MTR: variants seen among roughly 807,000 people sequenced by gnomAD.
MTR encodes the protein 5-methyltetrahydrofolate-homocysteine methyltransferase.
In MTR, 84 loss-of-function variants were observed where a neutral mutation model predicts 154.8. That is an observed-to-expected ratio of 0.54 (90% CI 0.45 to 0.65). The LOEUF is 0.65. MTR is among the 30% of genes least tolerant of loss of function. The probability of loss-of-function intolerance (pLI) is 0.00; values close to 1 mark genes in which losing one functional copy is unlikely to be tolerated. For missense variants in MTR, 1,275 were observed against 1,570.2 expected (o/e 0.81, Z 3.18); for synonymous variants, 554 against 553.9 (o/e 1.00, Z 0.00).
chr1:236,816,846 T>C (rs1352752687), intron 8 of MTR, among the ~76,000 whole-genome samples: 1 of 152,156 alleles, frequency 6.6e-6, no homozygotes, highest in Non-Finnish European at 1.5e-5. Context: ...ACTCCCTATT[T>C]ATGAGGCAAC....
intron 4 of MTR, 112 bp downstream of exon 4, chr1:236,808,885 C>A: frequency 1.1e-6 from 1 of 902,140 alleles, no homozygotes; most frequent in Non-Finnish European, 1.8e-6. Context: ...TTACGAGTAA[C>A]ACTGCAGAGA....
chr1:236,803,796 ATGTAC>A (rs1340713227), intron 2 of MTR, among the ~76,000 whole-genome samples, 154 bp downstream of exon 2: 2 of 152,224 alleles, frequency 1.3e-5, no homozygotes, highest in African/African-American at 4.8e-5. Context: ...AATAAAAGTT[ATGTAC>A]TGTGTTAAGC....
intron 12 of MTR, among the ~76,000 whole-genome samples, chr1:236,830,214 A>C (rs1372365407): frequency 6.6e-6 from 1 of 152,068 alleles, no homozygotes; most frequent in Non-Finnish European, 1.5e-5. Context: ...CAGAAGGTAG[A>C]GGATGAGATT....
At chr1:236,800,468 G>T (rs1346783078) in intron 1 of MTR, 2 of 985,366 alleles carry the variant, frequency 2.0e-6, no homozygotes, top group East Asian at 1.1e-4. Flanking sequence ...CGATTCAGCT[G>T]GGCATGTAGG....
chr1:236,841,025 A>G (rs1363619903), intron 15 of MTR, among the ~76,000 whole-genome samples: 1 of 152,244 alleles, frequency 6.6e-6, no homozygotes, highest in Non-Finnish European at 1.5e-5. Context: ...GCAAATAGTT[A>G]GACAAATAGT....
intron 14 of MTR, among the ~76,000 whole-genome samples, chr1:236,837,024 A>G (rs1343192763): frequency 6.6e-6 from 1 of 152,188 alleles, no homozygotes; most frequent in Non-Finnish European, 1.5e-5. Context: ...TGATTGCTAC[A>G]GTAATTTCTT....
chr1:236,900,197 G>A lies in MTR; in HGVS notation c.*2553G>A. On this transcript the variant is annotated 3_prime_UTR_variant, in exon 33 of 33. Transcript: ENST00000366577. ...CTACAGGAAAATAGGTGAATAATTA[G>A]ATATATATATTCATTCTACGGGATA... 1 of 406,822 alleles carries A rather than the reference G, an allele frequency of 2.5e-6. No individual in the cohort carries two copies. Among genetic ancestry groups the A allele is most frequent in the Non-Finnish European group, 4.9e-6 (1 of 202,478 alleles). 25.2% of individuals were successfully genotyped at this position (406,822 alleles called of 1,614,324 possible).
In MTR at chr1:236,859,832, G is replaced by A. The variant is rs2103290615; in HGVS notation, c.1954-1G>A. ...ATTTCTTGGTTTCAATTTCAATTCA[G>A]ACTCAAGGCACAGGAGGGAAGAAAG... On this transcript the variant is annotated splice_acceptor_variant, in intron 18 of 32. Transcript: ENST00000366577. LOFTEE classifies it high-confidence loss of function. The A allele has an allele frequency of 6.2e-7, 1 of 1,613,308 alleles. No individual in the cohort carries two copies. The highest frequency in any genetic ancestry group is 2.2e-5 in the East Asian group (1 of 44,854).
intron 2 of MTR, among the ~76,000 whole-genome samples, chr1:236,805,512 A>C (rs1660929899): frequency 6.8e-6 from 1 of 147,316 alleles, no homozygotes; most frequent in Admixed American, 6.7e-5. Context: ...ACAAGGTCTC[A>C]CTCTGTCACT....
intron 7 of MTR, among the ~76,000 whole-genome samples, 163 bp from the exon 8 acceptor site, chr1:236,816,286 C>G (rs1661587822): frequency 6.6e-6 from 1 of 152,164 alleles, no homozygotes; most frequent in Non-Finnish European, 1.5e-5. Context: ...TGGCACATGT[C>G]TGTTCTGACT....
chr1:236,817,305 C>A (rs1296365538), intron 8 of MTR, among the ~76,000 whole-genome samples: 1 of 152,006 alleles, frequency 6.6e-6, no homozygotes, highest in Non-Finnish European at 1.5e-5. Context: ...CCCCCTTTCC[C>A]CCCTTTCCCT....
chr1:236,796,734 T>C (rs1660411230), intron 1 of MTR, among the ~76,000 whole-genome samples: 1 of 151,590 alleles, frequency 6.6e-6, no homozygotes, highest in South Asian at 2.1e-4. Context: ...GGTTTATATG[T>C]TATTTAATAT....
intron 25 of MTR, among the ~76,000 whole-genome samples, chr1:236,883,400 G>A (rs1055463318): frequency 2.0e-5 from 3 of 152,124 alleles, no homozygotes; most frequent in African/African-American, 7.2e-5. Context: ...GGCTGTGCAA[G>A]GTGCCAGCAA....
At chr1:236,799,597 T>G (rs1309070328) in intron 1 of MTR, among the ~76,000 whole-genome samples, 3 of 152,204 alleles carry the variant, frequency 2.0e-5, no homozygotes, top group African/African-American at 7.2e-5. Context: ...TGTTGTAAAC[T>G]CTAGTCTATA....
chr1:236,845,095 G>T (rs1045273371), intron 15 of MTR, among the ~76,000 whole-genome samples: 6 of 152,196 alleles, frequency 3.9e-5, no homozygotes, highest in Non-Finnish European at 7.4e-5. Context: ...GCATTTTACA[G>T]TGGACCAGTG....
At chr1:236,806,351 G>A (rs1471806769) in intron 3 of MTR, 118 bp downstream of exon 3, 2 of 821,506 alleles carry the variant, frequency 2.4e-6, no homozygotes, top group Admixed American at 1.9e-5. Flanking sequence ...GTTATCTGTT[G>A]TTTATGATGA....
chr1:236,805,812 T>C (rs1351096337), intron 2 of MTR, among the ~76,000 whole-genome samples: 1 of 152,122 alleles, frequency 6.6e-6, no homozygotes, highest in Non-Finnish European at 1.5e-5. Flanking sequence ...TGTTACCTTA[T>C]GTTAGCATAT....
intron 15 of MTR, among the ~76,000 whole-genome samples, chr1:236,847,792 T>C (rs1663668189): frequency 6.6e-6 from 1 of 152,226 alleles, no homozygotes; most frequent in Non-Finnish European, 1.5e-5. Flanking sequence ...CTCCAGGGTA[T>C]TGTAATGTGC....
chr1:236,856,271 G>A (rs1315637495), intron 18 of MTR, among the ~76,000 whole-genome samples: 1 of 152,104 alleles, frequency 6.6e-6, no homozygotes, highest in Non-Finnish European at 1.5e-5. Flanking sequence ...CTGATTGTGT[G>A]GCTAATAGAA....
Sources: allele counts gnomAD v4.1 joint callset (sites outside exome capture counted in the v4.1 genomes callset), GRCh38; gene constraint gnomAD v4.1.1; transcripts MANE v1.5; gene names NCBI Gene and HGNC (gene_info 2026-07-23, HGNC 2026-07-21).